The following MAST2 variants were observed in gnomAD, a reference collection of about 807,000 sequenced individuals.
The protein encoded by MAST2 is microtubule-associated serine/threonine-protein kinase 2.
A neutral mutation model predicts 147.4 loss-of-function variants in MAST2; 70 were observed. That is an observed-to-expected ratio of 0.47 (90% confidence interval 0.39 to 0.58). The LOEUF (loss-of-function observed/expected upper bound fraction) is 0.58, where lower values mean the gene tolerates loss of function less well. Ranked by LOEUF, MAST2 falls within the 20% of genes least tolerant of loss-of-function variation. The pLI is 0.00. For missense variants in MAST2, 2,080 were observed against 2,302.3 expected (o/e 0.90, Z 1.98); for synonymous variants, 869 against 896.8 (o/e 0.97, Z 0.55).
intron 3 of MAST2, among the ~76,000 whole-genome samples, chr1:45,845,416 A>ATT (rs1645400533): frequency 1.3e-5 from 2 of 152,194 alleles, no homozygotes; most frequent in African/African-American, 4.8e-5. Context: ...AACTGTTAAC[A>ATT]AGACTTAGTT....
At chr1:45,986,610 C>G (rs928481732) in intron 5 of MAST2, among the ~76,000 whole-genome samples, 1 of 149,186 alleles carries the variant, frequency 6.7e-6, no homozygotes, top group Non-Finnish European at 1.5e-5. Flanking sequence ...CCCAGCTACT[C>G]AGAGGCTGAG....
intron 3 of MAST2, among the ~76,000 whole-genome samples, chr1:45,865,392 T>C (rs1646111987): frequency 6.6e-6 from 1 of 152,338 alleles, no homozygotes; most frequent in Admixed American, 6.5e-5. Flanking sequence ...AAATCAGACC[T>C]GTATGGGATA....
chr1:45,870,742 T>G (rs1646350937), intron 3 of MAST2, among the ~76,000 whole-genome samples: 1 of 150,624 alleles, frequency 6.6e-6, no homozygotes, highest in African/African-American at 2.4e-5. Context: ...GGCAACATGG[T>G]GAGATGTCTG....
intron 5 of MAST2, among the ~76,000 whole-genome samples, chr1:45,974,604 A>G (rs1335932867): frequency 2.0e-5 from 3 of 152,170 alleles, no homozygotes; most frequent in Non-Finnish European, 4.4e-5. Context: ...GTCTCAAAAA[A>G]ATATTTTTTT....
intron 3 of MAST2, among the ~76,000 whole-genome samples, chr1:45,832,826 A>G (rs1181867453): frequency 6.6e-6 from 1 of 152,198 alleles, no homozygotes; most frequent in Non-Finnish European, 1.5e-5. Flanking sequence ...ACCCACTTAA[A>G]GTATACAGGT....
At position 45,912,343 on chromosome 1, in the gene MAST2, C is replaced by T. The variant is rs113444704; in HGVS notation, c.500+29948C>T. Among the ~76,000 whole-genome samples the T allele has an allele frequency of 1.7e-3, 264 of 152,302 alleles. 1 individual carries two copies. The highest frequency in any genetic ancestry group is 6.8e-3 in the Middle Eastern group (2 of 294). ...CGCATTTGTATATTTGTATGTATTT[C>T]AGTAATGGATGTCATAAACACACAT... On this transcript the variant is annotated intron_variant, in intron 4 of 28. Coordinates refer to ENST00000361297, the MANE Select transcript of MAST2 (RefSeq NM_015112.3).
chr1:45,945,645 GTATT>G (rs1247882827), intron 4 of MAST2, among the ~76,000 whole-genome samples: 5 of 152,286 alleles, frequency 3.3e-5, no homozygotes, highest in African/African-American at 1.2e-4. Flanking sequence ...ATTAAACTGT[GTATT>G]AAGTAACAGA....
intron 3 of MAST2, among the ~76,000 whole-genome samples, chr1:45,839,700 G>A (rs1256916569): frequency 1.3e-5 from 2 of 152,150 alleles, no homozygotes; most frequent in South Asian, 2.1e-4. Flanking sequence ...GTATTGAAAT[G>A]TAAAGGACCT....
chr1:45,826,626 A>G (rs1050194164), intron 2 of MAST2, among the ~76,000 whole-genome samples: 1 of 152,094 alleles, frequency 6.6e-6, no homozygotes, highest in African/African-American at 2.4e-5. Context: ...CTGGGATTAT[A>G]GACCTGAGCA....
chr1:45,961,763 CT>C (rs201687465), intron 5 of MAST2, among the ~76,000 whole-genome samples: 6,889 of 151,350 alleles, frequency 0.046, 505 homozygotes, highest in African/African-American at 0.15. Flanking sequence ...ATCCTCAAAT[CT>C]TTTTTTTTAT....
At position 46,023,276 on chromosome 1, in the gene MAST2, A is replaced by G; in HGVS notation, c.1529A>G (p.Glu510Gly). The G allele has an allele frequency of 1.2e-6, 2 of 1,614,170 alleles. No individual in the cohort carries two copies. Among genetic ancestry groups the G allele is most frequent in the African/African-American group, 1.3e-5 (1 of 75,048 alleles). ...CCATCTAAAAAGACACCCTCTGAAGAGGACTTCGAGACCATTAAGCTCATC... is the reference window on the plus strand; with the variant it reads ...CCATCTAAAAAGACACCCTCTGAAGGGGACTTCGAGACCATTAAGCTCATC... The part of the protein sequence containing the change: ...SLPSKKTPSE[E>G]DFETIKLISN... Residue 510 changes from glutamate to glycine, a missense_variant, in exon 14 of 29, where the codon GAG becomes GGG. By Grantham distance (98) the Glu-to-Gly change is moderately conservative. This residue lies in a region of MAST2 where 569 missense variants were observed against 642.5 expected (regional missense o/e 0.89). Coordinates refer to ENST00000361297, the MANE Select transcript of MAST2 (RefSeq NM_015112.3). The surrounding 1 kb of genome is among the most constrained non-coding windows in gnomAD (Gnocchi z 4.9).
At chr1:46,010,672 TAGCTCCAACTG>T (rs1645676131) in intron 9 of MAST2, 47 bp from the exon 10 acceptor site, 2 of 1,521,856 alleles carry the variant, frequency 1.3e-6, no homozygotes, top group Non-Finnish European at 9.0e-7. Flanking sequence ...CCTTCAGGCT[TAGCTCCAACTG>T]AGCTGGAACT....
At position 45,990,328 on chromosome 1, in the gene MAST2, A is replaced by G. The variant is rs561110850; in HGVS notation, c.593-7396A>G. Reference sequence around the variant, plus strand: ...GAATCTTTTTATATACTTGTTTGCTATCTGTATATCTTTGGTGAGGTGGCT... The same window carrying G: ...GAATCTTTTTATATACTTGTTTGCTGTCTGTATATCTTTGGTGAGGTGGCT... On this transcript the variant is annotated intron_variant, in intron 5 of 28. Transcript: ENST00000361297. 2.0e-5 allele frequency among the ~76,000 whole-genome samples: 3 copies of G among 152,244 alleles called. No individual in the cohort carries two copies. The South Asian group carries it at 6.2e-4, about 32-fold the overall frequency.
chr1:45,953,128 G>A (rs1659170904), intron 4 of MAST2, among the ~76,000 whole-genome samples: 1 of 152,012 alleles, frequency 6.6e-6, no homozygotes, highest in South Asian at 2.1e-4. Flanking sequence ...TTTAGACATT[G>A]TTGAGACAAG....
intron 9 of MAST2, among the ~76,000 whole-genome samples, chr1:46,010,093 C>G (rs1194777208): frequency 6.6e-6 from 1 of 152,190 alleles, no homozygotes; most frequent in East Asian, 1.9e-4. Context: ...CAGACAGGTT[C>G]ACTAAGCAGC....
intron 3 of MAST2, among the ~76,000 whole-genome samples, chr1:45,841,853 A>G (rs1051565909): frequency 2.6e-5 from 4 of 152,358 alleles, no homozygotes; most frequent in South Asian, 4.1e-4. Flanking sequence ...TATGTAGGTC[A>G]TGGTAAATTA....
At chr1:45,984,948 C>G (rs1644554314) in intron 5 of MAST2, among the ~76,000 whole-genome samples, 1 of 151,946 alleles carries the variant, frequency 6.6e-6, no homozygotes, top group South Asian at 2.1e-4. Flanking sequence ...AAATTTTGTA[C>G]CATGAATATG....
intron 4 of MAST2, chr1:45,917,307 C>G: frequency 7.5e-7 from 1 of 1,329,228 alleles, no homozygotes; most frequent in Non-Finnish European, 1.0e-6. Context: ...TATCACTGAC[C>G]TTGTTTTTTT....
Position 46,035,100 on chromosome 1 carries a change from C to T in MAST2, c.4431C>T (p.Ala1477=). The T allele has an allele frequency of 6.2e-7, 1 of 1,613,592 alleles. No homozygotes were observed. Among genetic ancestry groups the T allele is most frequent in the Admixed American group, 1.7e-5 (1 of 60,024 alleles). The change falls in exon 29 of 29, where the codon GCC becomes GCT. Residue 1477 remains alanine, a synonymous_variant. Coordinates refer to ENST00000361297, the MANE Select transcript of MAST2 (RefSeq NM_015112.3). The surrounding 1 kb of genome is among the most constrained non-coding windows in gnomAD (Gnocchi z 5.5). ...TGCTGCAGCCTGCTCCCTCACGGGC[C>T]CTAGGCACCCTCCGGCAGGACCGAG... The part of the protein sequence containing the change: ...KGVLQPAPSR[A]LGTLRQDRAE...
Sources: gnomAD v4.1 joint callset for allele counts (sites outside exome capture counted in the v4.1 genomes callset) on GRCh38, gnomAD v4.1.1 for gene constraint, gnomAD v4.1.1 regional missense constraint, Gnocchi (gnomAD v3.1) non-coding constraint, MANE v1.5 for transcripts, NCBI Gene and HGNC (gene_info 2026-07-23, HGNC 2026-07-21) for gene names.